TCFL5: variants seen among roughly 807,000 people sequenced by gnomAD.
TCFL5 encodes the protein transcription factor like 5, also known as transcription factor-like 5 protein.
In TCFL5, 9 loss-of-function variants were observed where a neutral mutation model predicts 44.3. The ratio of observed to expected loss-of-function variants is 0.20; its 90% CI spans 0.12 to 0.35. The LOEUF (loss-of-function observed/expected upper bound fraction) is 0.35, where lower values mean the gene tolerates loss of function less well. Ranked by LOEUF, TCFL5 falls within the 10% of genes least tolerant of loss-of-function variation. The pLI is 1.00. For synonymous variants in TCFL5, 319 were observed against 271.6 expected (o/e 1.17, Z -1.72); for missense variants, 603 against 613.4 (o/e 0.98, Z 0.18).
chr20:62,861,813 A>T lies in TCFL5; in HGVS notation c.-143T>A, dbSNP rs1309730519. ...CCGGCGCGCCGTTGGGGGAGGGAAA[A>T]CCGCTGAGTGCCGCGCACAGCGCCT... On this transcript the variant is annotated 5_prime_UTR_variant, in exon 1 of 6. Transcript: ENST00000335351. This position sits in a 1 kb window ranked among gnomAD's most constrained non-coding sequence, Gnocchi z 4.0. The T allele has an allele frequency of 2.0e-5, 3 of 147,312 alleles. No homozygotes were observed. Among genetic ancestry groups the T allele is most frequent in the Middle Eastern group, 3.6e-3 (1 of 276 alleles). The allele number at this position is 147,312 out of a possible 1,614,324, so 9.1% of individuals were successfully genotyped here. A position where few individuals can be genotyped will look rare whatever the true frequency, so the allele number is the denominator to read the frequency against.
At chr20:62,844,041 G>T (rs1004530928) in intron 5 of TCFL5, among the ~76,000 whole-genome samples, 3 of 152,212 alleles carry the variant, frequency 2.0e-5, no homozygotes, top group Non-Finnish European at 2.9e-5. Flanking sequence ...GAAAGGTGCT[G>T]CCATGAATAT....
chr20:62,847,628 G>A (rs188940514), intron 5 of TCFL5, among the ~76,000 whole-genome samples: 230 of 152,314 alleles, frequency 1.5e-3, no homozygotes, highest in Middle Eastern at 3.4e-3. Flanking sequence ...ACAACACAGC[G>A]TTCGGCTCAT....
chr20:62,846,556 T>C (rs2063744989), intron 5 of TCFL5, among the ~76,000 whole-genome samples: 1 of 152,184 alleles, frequency 6.6e-6, no homozygotes, highest in African/African-American at 2.4e-5. Context: ...AACATTGAGA[T>C]GACAACGTCC....
Position 62,841,213 on chromosome 20 carries a change from T to C in TCFL5, c.*762A>G. On this transcript the variant is annotated 3_prime_UTR_variant, in exon 6 of 6. Transcript: ENST00000335351. ...AAACTCACATCTCCAATTAACAGTA[T>C]TTATTGAGGGTGACTTTGTATTGCA... The C allele has an allele frequency of 6.0e-6, 1 of 166,808 alleles. No individual in the cohort carries two copies. Among genetic ancestry groups the C allele is most frequent in the Admixed American group, 5.7e-5 (1 of 17,664 alleles). 10.3% of individuals were successfully genotyped at this position (166,808 alleles called of 1,614,324 possible). A position where few individuals can be genotyped will look rare whatever the true frequency, so the allele number is the denominator to read the frequency against.
intron 1 of TCFL5, among the ~76,000 whole-genome samples, 161 bp from the exon 2 acceptor site, chr20:62,860,469 C>A (rs1391362834): frequency 6.6e-6 from 1 of 152,220 alleles, no homozygotes; most frequent in African/African-American, 2.4e-5. Flanking sequence ...CTGTGGAAGT[C>A]CTCCTCTTCC....
At position 62,842,484 on chromosome 20, in the gene TCFL5, G is replaced by A. The variant is rs1568771898; in HGVS notation, c.1381-387C>T. Among the ~76,000 whole-genome samples the A allele has an allele frequency of 2.0e-5, 3 of 152,306 alleles. No individual in the cohort carries two copies. Among genetic ancestry groups the A allele is most frequent in the South Asian group, 2.1e-4 (1 of 4,826 alleles). ...TGTATATATTAAAACGTTTCAGGCC[G>A]GGCGTGGCGGCTCACGCCTATAATC... is the stretch of plus-strand genomic sequence containing the variant. On this transcript the variant is annotated intron_variant, in intron 5 of 5. Coordinates refer to ENST00000335351, the MANE Select transcript of TCFL5 (RefSeq NM_006602.4). This position sits in a 1 kb window ranked among gnomAD's most constrained non-coding sequence, Gnocchi z 4.3.
chr20:62,853,907 G>T, intron 5 of TCFL5, 109 bp downstream of exon 5: 1 of 1,215,904 alleles, frequency 8.2e-7, no homozygotes, highest in Non-Finnish European at 1.2e-6. Flanking sequence ...AGTATTTGAT[G>T]TTAGATTCCA....
At chr20:62,857,793 C>T (rs2063918000) in intron 3 of TCFL5, among the ~76,000 whole-genome samples, 155 bp from the exon 4 acceptor site, 2 of 152,142 alleles carry the variant, frequency 1.3e-5, no homozygotes, top group Admixed American at 1.3e-4. Context: ...TGCAGTTTTT[C>T]AGCATCAGCA....
chr20:62,843,270 A>C (rs73918820), intron 5 of TCFL5, among the ~76,000 whole-genome samples: 347 of 152,318 alleles, frequency 2.3e-3, no homozygotes, highest in African/African-American at 8.0e-3. Context: ...CTCACGGGAG[A>C]TTCTGCTCAG....
In TCFL5 at chr20:62,861,352, G is replaced by A; in HGVS notation, c.319C>T (p.Pro107Ser). 1.9e-6 allele frequency: 2 copies of A among 1,072,528 alleles called. No individual in the cohort carries two copies. Among genetic ancestry groups the A allele is most frequent in the Non-Finnish European group, 2.3e-6 (2 of 888,226 alleles). 66.4% of individuals were successfully genotyped at this position (1,072,528 alleles called of 1,614,324 possible). Residue 107 changes from proline to serine, a missense_variant, in exon 1 of 6, where the codon CCC becomes TCC. This residue lies in a region of TCFL5 where 540 missense variants were observed against 478.7 expected (regional missense o/e 1.13). Transcript: ENST00000335351. This position sits in a 1 kb window ranked among gnomAD's most constrained non-coding sequence, Gnocchi z 4.0. ...GCCAGCGCGGACGGGCACAGCACGG[G>A]GTACACGGGCGCCGCGCCCCCCTGA... is the stretch of plus-strand genomic sequence containing the variant. ...GGQGGAAPVY[P>S]VLCPSALAAD...
chr20:62,849,514 C>T (rs1415703667), intron 5 of TCFL5, among the ~76,000 whole-genome samples: 3 of 152,110 alleles, frequency 2.0e-5, no homozygotes, highest in Non-Finnish European at 2.9e-5. Flanking sequence ...AAATGCAGTG[C>T]ATAATCCATG....
intron 5 of TCFL5, chr20:62,852,244 T>G: frequency 1.0e-6 from 1 of 985,466 alleles, no homozygotes; most frequent in Non-Finnish European, 1.2e-6. Flanking sequence ...TGGATCTATT[T>G]CACTAAGGTC....
chr20:62,852,923 T>C lies in TCFL5; in HGVS notation c.1380+1093A>G, dbSNP rs112898061. On this transcript the variant is annotated intron_variant, in intron 5 of 5. Coordinates refer to ENST00000335351, the MANE Select transcript of TCFL5 (RefSeq NM_006602.4). Reference sequence around the variant, plus strand: ...TACATTCACCCAGTCAGCAGAAGTATATTCACCCAGTCCGCAGAAGTATAG... The same window carrying C: ...TACATTCACCCAGTCAGCAGAAGTACATTCACCCAGTCCGCAGAAGTATAG... 38 of 1,287,574 alleles carry C rather than the reference T, an allele frequency of 3.0e-5. No homozygotes were observed. In the Middle Eastern group the frequency reaches 1.1e-3, roughly 36 times the overall value. 79.8% of individuals were successfully genotyped at this position (1,287,574 alleles called of 1,614,324 possible).
chr20:62,861,320 G>C lies in TCFL5; in HGVS notation c.351C>G (p.Asp117Glu), dbSNP rs924912547. The change falls in exon 1 of 6, where the codon GAC becomes GAG. Residue 117 changes from aspartate to glutamate, a missense_variant. Physicochemically the swap from Asp to Glu is conservative, Grantham distance 45 (BLOSUM62 2). This residue lies in a region of TCFL5 where 540 missense variants were observed against 478.7 expected (regional missense o/e 1.13). Coordinates refer to ENST00000335351, the MANE Select transcript of TCFL5 (RefSeq NM_006602.4). The surrounding 1 kb of genome is among the most constrained non-coding windows in gnomAD (Gnocchi z 4.0). ...AGTCGATGTGGCCCAGGCAGGGCGC[G>C]TCGGCCGCCAGCGCGGACGGGCACA... ...PVLCPSALAA[D>E]APCLGHIDFQ... 8 of 1,153,462 alleles carry C rather than the reference G, an allele frequency of 6.9e-6. No individual in the cohort carries two copies. In the Admixed American group the frequency reaches 2.4e-4, roughly 34 times the overall value. The allele number at this position is 1,153,462 out of a possible 1,614,324, so 71.5% of individuals were successfully genotyped here.
At chr20:62,845,873 G>A (rs756442029) in intron 5 of TCFL5, 52 of 1,570,774 alleles carry the variant, frequency 3.3e-5, no homozygotes, top group Non-Finnish European at 4.4e-5. Flanking sequence ...GAGAAACAGT[G>A]CCAGTGCCTT....
intron 5 of TCFL5, among the ~76,000 whole-genome samples, chr20:62,847,993 G>A (rs1600833291): frequency 6.6e-6 from 1 of 152,366 alleles, no homozygotes; most frequent in South Asian, 2.1e-4. Flanking sequence ...GCCAAGGAGA[G>A]CAGAGAAATG....
chr20:62,854,255 G>A lies in TCFL5; in HGVS notation c.1239-98C>T, dbSNP rs113280499. The A allele has an allele frequency of 4.4e-4, 649 of 1,462,946 alleles. 3 individuals carry two copies. In the African/African-American group the frequency reaches 7.8e-3, roughly 18 times the overall value. 90.6% of individuals were successfully genotyped at this position (1,462,946 alleles called of 1,614,324 possible). On this transcript the variant is annotated intron_variant, in intron 4 of 5. Transcript: ENST00000335351. ...GTAGTACTTGAGGGAACCAGAGCTC[G>A]TGCATCCTGGCCACTGAGTGCCACG...
intron 5 of TCFL5, chr20:62,851,885 T>A: frequency 9.6e-6 from 9 of 938,274 alleles, no homozygotes; most frequent in Non-Finnish European, 1.1e-5. Flanking sequence ...TCTTGGCTCA[T>A]TGCAACCTCC....
Position 62,859,347 on chromosome 20 carries a change from G to C in TCFL5, c.994+17C>G, listed in dbSNP as rs779259337. The C allele has an allele frequency of 1.3e-6, 2 of 1,598,802 alleles. No individual in the cohort carries two copies. The highest frequency in any genetic ancestry group is 2.2e-5 in the South Asian group (2 of 90,208). On this transcript the variant is annotated intron_variant, in intron 3 of 5. Transcript: ENST00000335351. Reference sequence around the variant, plus strand: ...AGTCAGAAGAAAGCTCCCACTACCTGCTGCTTCATCGCTTACCTCCCACTT... The same window carrying C: ...AGTCAGAAGAAAGCTCCCACTACCTCCTGCTTCATCGCTTACCTCCCACTT...
Sources: allele counts gnomAD v4.1 joint callset (sites outside exome capture counted in the v4.1 genomes callset), GRCh38; gene constraint gnomAD v4.1.1; regional missense constraint gnomAD v4.1.1; non-coding constraint Gnocchi (gnomAD v3.1); transcripts MANE v1.5; gene names NCBI Gene and HGNC (gene_info 2026-07-23, HGNC 2026-07-21).